CHRNA3: variants seen among roughly 807,000 people sequenced by gnomAD.
CHRNA3 encodes the protein cholinergic receptor nicotinic alpha 3 subunit.
In CHRNA3, 34 loss-of-function variants were observed where a neutral mutation model predicts 41.9. That is an observed-to-expected ratio of 0.81 (90% CI 0.62 to 1.08). The LOEUF (loss-of-function observed/expected upper bound fraction) is 1.08. Among genes scored for constraint, CHRNA3 ranks in the 50% least tolerant of loss-of-function variants. The pLI is 0.00. For synonymous variants in CHRNA3, 281 were observed against 265.2 expected (o/e 1.06, Z -0.58); for missense variants, 542 against 638.3 (o/e 0.85, Z 1.63).
chr15:78,620,393 G>GCGGGGCAGGGCGACGGGCAGCT, intron 1 of CHRNA3: 3 of 351,568 alleles, frequency 8.5e-6, no homozygotes, highest in Non-Finnish European at 1.0e-5. Flanking sequence ...GACGGGCAGC[G>GCGGGGCAGGGCGACGGGCAGCT]CGGGGACGCG....
chr15:78,602,720 CTA>C (rs1376274525), intron 4 of CHRNA3, among the ~76,000 whole-genome samples: 1 of 152,166 alleles, frequency 6.6e-6, no homozygotes, highest in Non-Finnish European at 1.5e-5. Flanking sequence ...TGAAACCAGA[CTA>C]TGGATGTGGA....
intron 4 of CHRNA3, among the ~76,000 whole-genome samples, chr15:78,610,671 A>G (rs906197198): frequency 6.6e-6 from 1 of 151,460 alleles, no homozygotes; most frequent in Non-Finnish European, 1.5e-5. Context: ...AAGAACTAGA[A>G]AAGCAAGAGC....
intron 4 of CHRNA3, among the ~76,000 whole-genome samples, chr15:78,615,025 T>C (rs920895154): frequency 2.0e-5 from 3 of 152,102 alleles, no homozygotes; most frequent in Non-Finnish European, 4.4e-5. Context: ...AGACTGGAAG[T>C]GGCCCACTGT....
At chr15:78,602,794 TTTAC>T (rs750617803) in intron 4 of CHRNA3, among the ~76,000 whole-genome samples, 2 of 152,098 alleles carry the variant, frequency 1.3e-5, no homozygotes, top group Non-Finnish European at 2.9e-5. Flanking sequence ...GTCAGATGGA[TTTAC>T]TTCCAAACCC....
At chr15:78,595,247 T>C (rs1005713689), downstream of CHRNA3, 40 of 974,608 alleles carry the variant, frequency 4.1e-5, no homozygotes, top group African/African-American at 6.3e-4. Flanking sequence ...CTTATGATTT[T>C]TATATATAAA....
downstream of CHRNA3, chr15:78,595,279 T>C (rs201997815): frequency 1.0e-6 from 1 of 984,894 alleles, no homozygotes; most frequent in Non-Finnish European, 1.2e-6. Context: ...ATCTTTCTTT[T>C]GACTTATTGA....
At chr15:78,603,410 G>A (rs752173723) in intron 4 of CHRNA3, among the ~76,000 whole-genome samples, 5 of 152,178 alleles carry the variant, frequency 3.3e-5, no homozygotes, top group Admixed American at 2.0e-4. Context: ...CATTCCATCC[G>A]CGATGGCCAG....
At chr15:78,605,131 G>A (rs541040114) in intron 4 of CHRNA3, among the ~76,000 whole-genome samples, 2 of 152,234 alleles carry the variant, frequency 1.3e-5, no homozygotes, top group African/African-American at 2.4e-5. Context: ...GGTAGTATGG[G>A]TGCAAATGAT....
chr15:78,595,350 G>A lies in CHRNA3; in HGVS notation c.*1254C>T. 2 of 952,188 alleles carry A rather than the reference G, an allele frequency of 2.1e-6. No individual in the cohort carries two copies. The highest frequency in any genetic ancestry group is 1.2e-6 in the Non-Finnish European group (1 of 820,332). The allele number at this position is 952,188 out of a possible 1,614,324, so 59.0% of individuals were successfully genotyped here. ...TTATTTTTGCACAGGAAAAACTAGTGAGACAAGATTCAAACAGTCTCTGTG... is the reference window on the plus strand; with the variant it reads ...TTATTTTTGCACAGGAAAAACTAGTAAGACAAGATTCAAACAGTCTCTGTG... On this transcript the variant is annotated 3_prime_UTR_variant, in exon 6 of 6. Coordinates refer to ENST00000326828, the MANE Select transcript of CHRNA3 (RefSeq NM_000743.5).
In CHRNA3 at chr15:78,601,856, G is replaced by A. The variant is rs1319364027; in HGVS notation, c.786C>T (p.Val262=). The change falls in exon 5 of 6, where the codon GTC becomes GTT. Residue 262 remains valine (V), a synonymous_variant. Transcript: ENST00000326828. ...CACCGCAGTCGGAGGGCAGGTAGAA[G>A]ACGAGCACAGTGAGGAAGGAGATGA... ...CLLISFLTVL[V]FYLPSDCGEK... is the part of the protein sequence containing the mutation. The A allele has an allele frequency of 6.2e-7, 1 of 1,614,162 alleles. No homozygotes were observed. Among genetic ancestry groups the A allele is most frequent in the Admixed American group, 1.7e-5 (1 of 60,016 alleles).
chr15:78,611,624 C>T (rs182511257), intron 4 of CHRNA3, among the ~76,000 whole-genome samples: 3 of 151,974 alleles, frequency 2.0e-5, no homozygotes, highest in South Asian at 2.1e-4. Context: ...ATACTGAATG[C>T]GCACAAACTG....
downstream of CHRNA3, chr15:78,595,149 G>C (rs1033651743): frequency 7.4e-6 from 2 of 268,640 alleles, no homozygotes; most frequent in Non-Finnish European, 1.1e-5. Context: ...ATGAGTGAAA[G>C]CCTGGTGTGA....
At chr15:78,605,202 A>C (rs1471873634) in intron 4 of CHRNA3, among the ~76,000 whole-genome samples, 1 of 152,184 alleles carries the variant, frequency 6.6e-6, no homozygotes, top group Non-Finnish European at 1.5e-5. Context: ...TGGGGTGGTG[A>C]GGGCTATGAG....
In CHRNA3 at chr15:78,602,186, C is replaced by A. The variant is rs76529122; in HGVS notation, c.456G>T (p.Pro152=). ...KYTGEVTWIP[P]AIFKSSCKID... ...TTTTACAGGAGCTCTTAAAGATGGC[C>A]GGAGGTATCCAAGTCACCTCCCCAG... The change falls in exon 5 of 6, where the codon CCG becomes CCT. Residue 152 remains proline, a synonymous_variant. Coordinates refer to ENST00000326828, the MANE Select transcript of CHRNA3 (RefSeq NM_000743.5). The A allele has an allele frequency of 1.2e-6, 2 of 1,614,038 alleles. No homozygotes were observed. The highest frequency in any genetic ancestry group is 3.3e-5 in the Admixed American group (2 of 59,994).
At chr15:78,616,350 T>TCCCTC (rs2053460869) in intron 4 of CHRNA3, among the ~76,000 whole-genome samples, 1 of 109,100 alleles carries the variant, frequency 9.2e-6, no homozygotes, top group African/African-American at 3.6e-5. Flanking sequence ...GACTCAGTCT[T>TCCCTC]CCCCCCCCCA....
chr15:78,617,719 T>C (rs1426299888), intron 3 of CHRNA3, among the ~76,000 whole-genome samples: 4 of 152,174 alleles, frequency 2.6e-5, no homozygotes, highest in African/African-American at 7.2e-5. Flanking sequence ...GGTGGGGCAC[T>C]GTGCCCATCT....
Position 78,618,706 on chromosome 15 carries a change from C to A in CHRNA3, c.223-45G>T, listed in dbSNP as rs986416371. 2.5e-6 allele frequency: 4 copies of A among 1,614,072 alleles called. No homozygotes were observed. In the East Asian group the frequency reaches 8.9e-5, roughly 36 times the overall value. On this transcript the variant is annotated intron_variant, in intron 2 of 5. Coordinates refer to ENST00000326828, the MANE Select transcript of CHRNA3 (RefSeq NM_000743.5). ...TTGACAGGAGAATTACAAAACAAGACTAATTCTGGGAAAGGCTCCTCCAGA... is the reference window on the plus strand; with the variant it reads ...TTGACAGGAGAATTACAAAACAAGAATAATTCTGGGAAAGGCTCCTCCAGA...
intron 4 of CHRNA3, among the ~76,000 whole-genome samples, chr15:78,607,207 G>GA (rs1323925548): frequency 1.5e-5 from 2 of 135,730 alleles, no homozygotes; most frequent in Non-Finnish European, 3.1e-5. Flanking sequence ...AACACAGTGA[G>GA]ACTCTGTCTC....
At chr15:78,616,227 C>A (rs1384260377) in intron 4 of CHRNA3, among the ~76,000 whole-genome samples, 3 of 151,802 alleles carry the variant, frequency 2.0e-5, no homozygotes, top group African/African-American at 7.2e-5. Context: ...GCAGCACGTG[C>A]CTGTAATCCC....
Sources: allele counts gnomAD v4.1 joint callset (sites outside exome capture counted in the v4.1 genomes callset), GRCh38; gene constraint gnomAD v4.1.1; transcripts MANE v1.5; gene names NCBI Gene and HGNC (gene_info 2026-07-23, HGNC 2026-07-21).